The following CLIP4 variants were observed in gnomAD, a reference collection of about 807,000 sequenced individuals.
The protein encoded by CLIP4 is CAP-Gly domain-containing linker protein 4.
Under a neutral mutation model 73.1 loss-of-function variants are expected in CLIP4, and 47 were observed. The observed-to-expected ratio is 0.64, with a 90% CI of 0.51 to 0.82. CLIP4 has a LOEUF of 0.82. Ranked by LOEUF, CLIP4 falls within the 40% of genes least tolerant of loss-of-function variation. The pLI is 0.00. For synonymous variants in CLIP4, 306 were observed against 295.4 expected, an observed-to-expected ratio of 1.04 and a Z score of -0.37; for missense variants, 874 against 852.9, an observed-to-expected ratio of 1.02 and a Z score of -0.31.
chr2:29,164,653 A>G (rs537478025), intron 13 of CLIP4, among the ~76,000 whole-genome samples: 47 of 152,310 alleles, frequency 3.1e-4, no homozygotes, highest in Admixed American at 1.5e-3. Context: ...TAAATGAGAG[A>G]TAACATATAT....
At chr2:29,118,577 G>A (rs1464904092) in intron 1 of CLIP4, among the ~76,000 whole-genome samples, 1 of 150,322 alleles carries the variant, frequency 6.7e-6, no homozygotes, top group Non-Finnish European at 1.5e-5. Context: ...GGACTGCAGT[G>A]GCGGGATCTC....
At chr2:29,109,602 A>G (rs1668330526) in intron 1 of CLIP4, among the ~76,000 whole-genome samples, 1 of 152,198 alleles carries the variant, frequency 6.6e-6, no homozygotes, top group African/African-American at 2.4e-5. Flanking sequence ...GCACTAGAAC[A>G]TATGCCTCCA....
rs1663769269 is a variant in CLIP4 at position 29,115,840 on chromosome 2, C to T, written c.-16+175C>T. Among the ~76,000 whole-genome samples, 1 of 151,726 alleles carries T rather than the reference C, an allele frequency of 6.6e-6. No individual in the cohort carries two copies. Among genetic ancestry groups the T allele is most frequent in the Admixed American group, 6.6e-5 (1 of 15,260 alleles). On this transcript the variant is annotated intron_variant, in intron 1 of 15. Coordinates refer to ENST00000320081, the MANE Select transcript of CLIP4 (RefSeq NM_024692.6). The surrounding 1 kb of genome is among the most constrained non-coding windows in gnomAD (Gnocchi z 5.1). ...CCGCCTCCCGTGGGCACCGGTGTCG[C>T]TGGCCGCGGGGAGGCCTTCTCGGGG...
intron 1 of CLIP4, among the ~76,000 whole-genome samples, chr2:29,102,870 G>A (rs201089500): frequency 4.6e-5 from 7 of 152,138 alleles, no homozygotes; most frequent in Admixed American, 2.0e-4. Flanking sequence ...TGCCCACCTC[G>A]GCCTCCCAAA....
In CLIP4 at chr2:29,161,318, A is replaced by G. The variant is rs74261425; in HGVS notation, c.1534+851A>G. On this transcript the variant is annotated intron_variant, in intron 12 of 15. Transcript: ENST00000320081. ...TGTCAATGATTATAATTTTAAACAG[A>G]AGTCGGTTGAACAAAACCAAGTTTG... 1.2e-3 allele frequency among the ~76,000 whole-genome samples: 177 copies of G among 152,308 alleles called. No individual in the cohort carries two copies. The East Asian group carries it at 0.015, about 13-fold the overall frequency.
chr2:29,102,387 C>G (rs1265850811), intron 1 of CLIP4, among the ~76,000 whole-genome samples: 1 of 152,098 alleles, frequency 6.6e-6, no homozygotes, highest in African/African-American at 2.4e-5. Flanking sequence ...CATCACCTGC[C>G]TTCACAATCT....
chr2:29,106,521 G>A (rs543517693), intron 1 of CLIP4, among the ~76,000 whole-genome samples: 3 of 152,248 alleles, frequency 2.0e-5, no homozygotes, highest in East Asian at 1.9e-4. Context: ...TTGGAGGCAC[G>A]TATTCTTTAT....
rs138369654 is a variant in CLIP4, at chr2:29,103,827, C to T, written c.-16+5880C>T. Among the ~76,000 whole-genome samples, 51 of 152,082 alleles carry T rather than the reference C, an allele frequency of 3.4e-4. No homozygotes were observed. The East Asian group carries it at 9.3e-3, about 28-fold the overall frequency. On this transcript the variant is annotated intron_variant, in intron 1 of 14. Transcript: ENST00000401605. ...CTCCTGGGTTCAAGCTATTCTCCTGCGTCAGACTCCAGAGTAGCTGAGATT... is the reference window on the plus strand; with the variant it reads ...CTCCTGGGTTCAAGCTATTCTCCTGTGTCAGACTCCAGAGTAGCTGAGATT...
chr2:29,102,274 C>A (rs997024937), intron 1 of CLIP4, among the ~76,000 whole-genome samples: 2 of 152,182 alleles, frequency 1.3e-5, no homozygotes, highest in Non-Finnish European at 2.9e-5. Context: ...TCTAGATTTA[C>A]ATGGAATTGC....
chr2:29,168,611 C>G (rs532121299), intron 14 of CLIP4, among the ~76,000 whole-genome samples: 1 of 149,830 alleles, frequency 6.7e-6, no homozygotes, highest in Non-Finnish European at 1.5e-5. Context: ...CAAGCTCCGC[C>G]TCCCAGGTTC....
intron 8 of CLIP4, among the ~76,000 whole-genome samples, chr2:29,148,544 T>G (rs1250191752): frequency 6.6e-6 from 1 of 152,226 alleles, no homozygotes; most frequent in African/African-American, 2.4e-5. Context: ...ACGGCAAGGC[T>G]TATTACAAAA....
intron 1 of CLIP4, among the ~76,000 whole-genome samples, chr2:29,108,779 G>A (rs1465052017): frequency 6.6e-6 from 1 of 152,172 alleles, no homozygotes; most frequent in Non-Finnish European, 1.5e-5. Context: ...TGACCATCAT[G>A]TCATGATCAT....
At chr2:29,111,327 T>C (rs995707433), upstream of CLIP4, among the ~76,000 whole-genome samples, 10 of 152,228 alleles carry the variant, frequency 6.6e-5, no homozygotes, top group African/African-American at 2.4e-4. Flanking sequence ...GCACATTTCT[T>C]CCCAACTTCT....
intron 6 of CLIP4, among the ~76,000 whole-genome samples, chr2:29,136,430 T>G (rs983412422): frequency 1.6e-4 from 24 of 152,268 alleles, no homozygotes; most frequent in South Asian, 2.1e-4. Context: ...ACTTTTAATT[T>G]CTTCTCTTCC....
chr2:29,115,603 C>T lies in CLIP4; in HGVS notation c.-78C>T, dbSNP rs1175465609. On this transcript the variant is annotated 5_prime_UTR_variant, in exon 1 of 16. Coordinates refer to ENST00000320081, the MANE Select transcript of CLIP4 (RefSeq NM_024692.6). This position sits in a 1 kb window ranked among gnomAD's most constrained non-coding sequence, Gnocchi z 5.1. ...ACAGCGCCGGCGGGAGCGCGCCTCT[C>T]GGCCTTTCCTCCGCGCCCCCGCGTC... is the stretch of plus-strand genomic sequence containing the variant. 3 of 147,330 alleles carry T rather than the reference C, an allele frequency of 2.0e-5. No homozygotes were observed. Among genetic ancestry groups the T allele is most frequent in the Non-Finnish European group, 4.5e-5 (3 of 66,128 alleles). 9.1% of individuals were successfully genotyped at this position (147,330 alleles called of 1,614,324 possible).
At chr2:29,105,744 A>G (rs1296845405) in intron 1 of CLIP4, among the ~76,000 whole-genome samples, 1 of 152,198 alleles carries the variant, frequency 6.6e-6, no homozygotes, top group Non-Finnish European at 1.5e-5. Flanking sequence ...CTGTTTTTAT[A>G]AAAGAGACCT....
At chr2:29,180,912 G>T (rs1222750173) in intron 15 of CLIP4, among the ~76,000 whole-genome samples, 6 of 151,950 alleles carry the variant, frequency 3.9e-5, no homozygotes, top group Middle Eastern at 3.4e-3. Context: ...TCCAGAATGG[G>T]GTAGTCTTAA....
rs753224540 is a variant in CLIP4 at position 29,116,412 on chromosome 2, A to AT, written c.-16+749dup. On this transcript the variant is annotated intron_variant, in intron 1 of 15. Transcript: ENST00000320081. ...TTCTGAGATACTAGACTGCGTTCAT[A>AT]TTGTAGCACCATCATCGTATAAAAC... 3.3e-4 allele frequency among the ~76,000 whole-genome samples: 50 copies of AT among 152,330 alleles called. 1 individual carries two copies. The highest frequency in any genetic ancestry group is 6.3e-4 in the Non-Finnish European group (43 of 68,030).
intron 7 of CLIP4, among the ~76,000 whole-genome samples, chr2:29,144,701 G>GT (rs1278536616): frequency 6.7e-6 from 1 of 148,512 alleles, no homozygotes; most frequent in Non-Finnish European, 1.5e-5. Flanking sequence ...TGTCCCTTCA[G>GT]TTTTTTCTTA....
Sources: allele counts gnomAD v4.1 joint callset (sites outside exome capture counted in the v4.1 genomes callset), GRCh38; gene constraint gnomAD v4.1.1; non-coding constraint Gnocchi (gnomAD v3.1); transcripts MANE v1.5; gene names NCBI Gene and HGNC (gene_info 2026-07-23, HGNC 2026-07-21).